PTK2: variants seen among roughly 807,000 people sequenced by gnomAD.
PTK2 encodes the protein protein tyrosine kinase 2.
Under a neutral mutation model 150.1 loss-of-function variants are expected in PTK2, and 45 were observed. The ratio of observed to expected loss-of-function variants is 0.30; its 90% confidence interval spans 0.24 to 0.38. The LOEUF (loss-of-function observed/expected upper bound fraction) is 0.38. PTK2 is among the 10% of genes least tolerant of loss of function. The pLI, the probability that PTK2 is intolerant of heterozygous loss-of-function variation, is 1.00. For missense variants in PTK2, 919 were observed against 1,307.3 expected (o/e 0.70, Z 4.58); for synonymous variants, 432 against 449.2 (o/e 0.96, Z 0.48).
At chr8:140,704,728 C>T (rs1028752901) in intron 24 of PTK2, among the ~76,000 whole-genome samples, 7 of 152,122 alleles carry the variant, frequency 4.6e-5, no homozygotes, top group Admixed American at 4.6e-4. Flanking sequence ...TTTCTTTAGG[C>T]CACCTACGTA....
At chr8:140,954,989 C>T (rs1044468938) in intron 1 of PTK2, among the ~76,000 whole-genome samples, 6 of 152,028 alleles carry the variant, frequency 3.9e-5, no homozygotes, top group South Asian at 4.2e-4. Context: ...TTGGAAAAGG[C>T]CTGTCTTCAA....
intron 27 of PTK2, among the ~76,000 whole-genome samples, chr8:140,682,688 A>C (rs1589889410): frequency 1.3e-5 from 2 of 152,082 alleles, no homozygotes; most frequent in South Asian, 4.1e-4. Context: ...CCACAGCACA[A>C]TAAAAACAGA....
intron 7 of PTK2, among the ~76,000 whole-genome samples, chr8:140,836,113 T>G (rs558632454): frequency 1.3e-5 from 2 of 152,318 alleles, no homozygotes; most frequent in African/African-American, 4.8e-5. Context: ...AATGTATGCT[T>G]ACATTTATTC....
At chr8:140,973,783 A>T (rs1588174751) in intron 1 of PTK2, among the ~76,000 whole-genome samples, 1 of 152,304 alleles carries the variant, frequency 6.6e-6, no homozygotes, top group East Asian at 1.9e-4. Context: ...GTAGATTCAA[A>T]GCTTTTTTCC....
chr8:140,681,157 G>T (rs1418503970), intron 27 of PTK2, among the ~76,000 whole-genome samples: 1 of 150,446 alleles, frequency 6.6e-6, no homozygotes, highest in Non-Finnish European at 1.5e-5. Context: ...TGGAGGTCAG[G>T]AGTTCAAGAC....
intron 12 of PTK2, among the ~76,000 whole-genome samples, chr8:140,799,746 C>T (rs1159021872): frequency 6.6e-6 from 1 of 152,146 alleles, no homozygotes. Context: ...TCGTGTTTGA[C>T]CAGATGACAG....
intron 1 of PTK2, among the ~76,000 whole-genome samples, chr8:140,988,245 T>C (rs1326201047): frequency 1.3e-5 from 2 of 152,200 alleles, no homozygotes; most frequent in Non-Finnish European, 2.9e-5. Context: ...TCTGGAAGAA[T>C]TATTTTAGAA....
At chr8:140,862,117 AC>A (rs1359566177) in intron 5 of PTK2, among the ~76,000 whole-genome samples, 1 of 152,242 alleles carries the variant, frequency 6.6e-6, no homozygotes, top group Non-Finnish European at 1.5e-5. Flanking sequence ...TGAACTAGGA[AC>A]AAAAAAGTTG....
intron 31 of PTK2, chr8:140,662,614 AAAGG>A (rs1563794786): frequency 8.7e-6 from 4 of 461,114 alleles, no homozygotes; most frequent in Non-Finnish European, 1.6e-5. Flanking sequence ...AAAACAAGTT[AAAGG>A]GTTTATGCAT....
chr8:140,747,945 A>G (rs1467485370), intron 17 of PTK2, among the ~76,000 whole-genome samples: 1 of 152,114 alleles, frequency 6.6e-6, no homozygotes, highest in Non-Finnish European at 1.5e-5. Flanking sequence ...CCATCTTTAC[A>G]GTAAAAATCA....
At chr8:140,882,374 A>G (rs2100149675) in intron 3 of PTK2, among the ~76,000 whole-genome samples, 1 of 152,162 alleles carries the variant, frequency 6.6e-6, no homozygotes, top group Non-Finnish European at 1.5e-5. Context: ...TTAGAATAAA[A>G]ATGACTGTCT....
Position 141,000,087 on chromosome 8 carries a change from T to TCACACACACA in PTK2, c.-122+1028_-122+1037dup, listed in dbSNP as rs71310820. 7.2e-3 allele frequency among the ~76,000 whole-genome samples: 586 copies of TCACACACACA among 81,638 alleles called. 6 individuals carry two copies. Among genetic ancestry groups the TCACACACACA allele is most frequent in the South Asian group, 0.03 (69 of 2,320 alleles). The allele number at this position is 81,638 out of a possible 152,430, so 53.6% of individuals were successfully genotyped here. A position where few individuals can be genotyped will look rare whatever the true frequency, so the allele number is the denominator to read the frequency against. On this transcript the variant is annotated intron_variant, in intron 1 of 31. Transcript: ENST00000522684. Reference sequence around the variant, plus strand: ...AATTCTGCAATTAAATGAAACCAATTCACACACACACACACACACACACAC... The same window carrying TCACACACACA: ...AATTCTGCAATTAAATGAAACCAATTCACACACACACACACACACACACACACACACACAC...
intron 23 of PTK2, among the ~76,000 whole-genome samples, chr8:140,706,615 G>GGC (rs1247115518): frequency 6.6e-6 from 1 of 152,088 alleles, no homozygotes; most frequent in Non-Finnish European, 1.5e-5. Context: ...AAACCAATCA[G>GGC]GCCAGTCTGT....
At chr8:140,999,879 C>A (rs949933489) in intron 1 of PTK2, among the ~76,000 whole-genome samples, 1 of 152,116 alleles carries the variant, frequency 6.6e-6, no homozygotes, top group African/African-American at 2.4e-5. Flanking sequence ...CAAACTCTTG[C>A]ACTGCCTTCA....
Position 140,998,532 on chromosome 8 carries a change from C to G in PTK2, c.-122+2593G>C, listed in dbSNP as rs138336381. On this transcript the variant is annotated intron_variant, in intron 1 of 31. Coordinates refer to ENST00000522684, the Ensembl canonical transcript of PTK2. Reference sequence around the variant, plus strand: ...GAGGCTACCTTTAAAACAACAGGATCTTCAGGCCAGGCGCAGTGGCTCACG... The same window carrying G: ...GAGGCTACCTTTAAAACAACAGGATGTTCAGGCCAGGCGCAGTGGCTCACG... Among the ~76,000 whole-genome samples, 436 of 151,952 alleles carry G rather than the reference C, an allele frequency of 2.9e-3. 1 individual carries two copies. Among genetic ancestry groups the G allele is most frequent in the Non-Finnish European group, 4.8e-3 (328 of 67,940 alleles).
rs537134479 is a variant in PTK2 at position 140,679,047 on chromosome 8, C to T, written c.2563-3548G>A. 1.6e-3 allele frequency among the ~76,000 whole-genome samples: 137 copies of T among 83,470 alleles called. 4 individuals carry two copies. Among genetic ancestry groups the T allele is most frequent in the Non-Finnish European group, 2.3e-3 (111 of 48,032 alleles). 54.8% of individuals were successfully genotyped at this position (83,470 alleles called of 152,430 possible). On this transcript the variant is annotated intron_variant, in intron 27 of 31. Coordinates refer to ENST00000522684, the Ensembl canonical transcript of PTK2. ...TTTTTTTTTTTTTTTTTTTTTGAGA[C>T]GGACTCTTGCTCTGTCGCCCAGGCT...
intron 12 of PTK2, among the ~76,000 whole-genome samples, chr8:140,795,842 G>C (rs528052297): frequency 6.6e-6 from 1 of 152,258 alleles, no homozygotes; most frequent in East Asian, 1.9e-4. Flanking sequence ...GTATTCCCCT[G>C]AACATACCAC....
chr8:140,860,722 C>T (rs1175823164), intron 5 of PTK2, among the ~76,000 whole-genome samples: 3 of 152,228 alleles, frequency 2.0e-5, no homozygotes, highest in Non-Finnish European at 4.4e-5. Context: ...GATCCACCCG[C>T]CTCGGCCTCC....
chr8:140,872,248 T>C (rs1403347715), intron 4 of PTK2, among the ~76,000 whole-genome samples: 1 of 151,866 alleles, frequency 6.6e-6, no homozygotes, highest in East Asian at 2.0e-4. Context: ...TTTCACCATG[T>C]TGGCCAGGCT....
Sources: gnomAD v4.1 joint callset for allele counts (sites outside exome capture counted in the v4.1 genomes callset) on GRCh38, gnomAD v4.1.1 for gene constraint, MANE v1.5 for transcripts, NCBI Gene and HGNC (gene_info 2026-07-23, HGNC 2026-07-21) for gene names.